SLC22A23: variants seen among roughly 807,000 people sequenced by gnomAD.
SLC22A23 encodes the protein solute carrier family 22 member 23.
A neutral mutation model predicts 61.0 loss-of-function variants in SLC22A23; 26 were observed. That is an observed-to-expected ratio of 0.43 (90% CI 0.31 to 0.59). The LOEUF is 0.59. SLC22A23 is among the 20% of genes least tolerant of loss of function. The pLI is 0.11. For synonymous variants in SLC22A23, 430 were observed against 413.9 expected (o/e 1.04, Z -0.47); for missense variants, 796 against 934.7 (o/e 0.85, Z 1.94).
At chr6:3,412,654 C>T (rs9502001) in intron 2 of SLC22A23, among the ~76,000 whole-genome samples, 1,769 of 152,232 alleles carry the variant, frequency 0.012, 44 homozygotes, top group African/African-American at 0.041. Context: ...TCCTCAGAAC[C>T]TGTGAGTATT....
intron 4 of SLC22A23, among the ~76,000 whole-genome samples, chr6:3,305,335 A>G (rs991804828): frequency 6.6e-6 from 1 of 152,142 alleles, no homozygotes; most frequent in Non-Finnish European, 1.5e-5. Context: ...GCAAACCCAT[A>G]TTGCCTGGAC....
In SLC22A23 at chr6:3,330,105, CAA is replaced by C. The variant is rs1176307825; in HGVS notation, c.914-6105_914-6104del. 4.6e-5 allele frequency among the ~76,000 whole-genome samples: 7 copies of C among 152,300 alleles called. No homozygotes were observed. The highest frequency in any genetic ancestry group is 1.4e-4 in the African/African-American group (6 of 41,552). On this transcript the variant is annotated intron_variant, in intron 3 of 9. Coordinates refer to ENST00000406686, the MANE Select transcript of SLC22A23 (RefSeq NM_015482.2). The surrounding 1 kb of genome is among the most constrained non-coding windows in gnomAD (Gnocchi z 4.7). Reference sequence around the variant, plus strand: ...GCCCAGCCCCAGAACACACAGGATTCAAAGAGGCCACTTCTCCAAACCCGCTG... The same window carrying C: ...GCCCAGCCCCAGAACACACAGGATTCAGAGGCCACTTCTCCAAACCCGCTG...
In SLC22A23 at chr6:3,324,430, C is replaced by G. The variant is rs989299752; in HGVS notation, c.914-428G>C. The stretch of plus-strand genomic sequence containing the variant: ...ATGCTGTATTAGGGGCCATCTCGAC[C>G]TCTAGACAGGACACCAGGCATGCCC... On this transcript the variant is annotated intron_variant, in intron 3 of 9. Transcript: ENST00000406686. This position sits in a 1 kb window ranked among gnomAD's most constrained non-coding sequence, Gnocchi z 4.3. 6.6e-6 allele frequency among the ~76,000 whole-genome samples: 1 copy of G among 152,088 alleles called. No individual in the cohort carries two copies. The highest frequency in any genetic ancestry group is 1.5e-5 in the Non-Finnish European group (1 of 68,024).
intron 3 of SLC22A23, among the ~76,000 whole-genome samples, chr6:3,356,404 G>A (rs1281623707): frequency 6.6e-6 from 1 of 151,844 alleles, no homozygotes; most frequent in Non-Finnish European, 1.5e-5. Context: ...TCTCAGAGAT[G>A]GCAGCGACCT....
chr6:3,347,787 A>G (rs1401122041), intron 3 of SLC22A23, among the ~76,000 whole-genome samples: 1 of 152,122 alleles, frequency 6.6e-6, no homozygotes, highest in Non-Finnish European at 1.5e-5. Context: ...CTGGAGACTC[A>G]CTTTATGCAC....
chr6:3,273,063 C>T lies in SLC22A23; in HGVS notation c.2053G>A (p.Ala685Thr), dbSNP rs1304895236. The T allele has an allele frequency of 6.4e-7, 1 of 1,561,662 alleles. No homozygotes were observed. Among genetic ancestry groups the T allele is most frequent in the Non-Finnish European group, 8.7e-7 (1 of 1,155,320 alleles). ...GGGTTCCGCAGGCCGGGCTACATGG[C>T]CTTCATGCCGTTGGCCGTGGCACCC... ...PEGATANGMK[A>T]M The change falls in exon 10 of 10, where the codon GCC becomes ACC. Residue 685 changes from alanine to threonine, a missense_variant. Physicochemically the swap from Ala to Thr is moderately conservative, Grantham distance 58 (BLOSUM62 0). Transcript: ENST00000406686.
chr6:3,440,852 C>T (rs959612715), intron 1 of SLC22A23, among the ~76,000 whole-genome samples: 4 of 152,188 alleles, frequency 2.6e-5, no homozygotes, highest in Non-Finnish European at 5.9e-5. Flanking sequence ...TCTTGGACTT[C>T]CAGCCTCCAG....
chr6:3,415,930 T>A, intron 1 of SLC22A23, 75 bp from the exon 2 acceptor site: 1 of 1,106,924 alleles, frequency 9.0e-7, no homozygotes, highest in Non-Finnish European at 1.3e-6. Context: ...ATAAGGGCAA[T>A]ACAATAACCC....
chr6:3,438,677 T>C, intron 1 of SLC22A23: 1 of 380,648 alleles, frequency 2.6e-6, no homozygotes, highest in Non-Finnish European at 5.2e-6. Context: ...TAACCGTTAT[T>C]CTAAGTAGAG....
Position 3,410,551 on chromosome 6 carries a change from G to A in SLC22A23, c.759-209C>T, listed in dbSNP as rs1272282561. Among the ~76,000 whole-genome samples the A allele has an allele frequency of 2.0e-5, 3 of 152,058 alleles. No individual in the cohort carries two copies. The highest frequency in any genetic ancestry group is 4.4e-5 in the Non-Finnish European group (3 of 68,004). ...CCAACCCCCTAATTCTCGAGATAAG[G>A]GAGCAGAGATCAACCAATTACAGAG... On this transcript the variant is annotated intron_variant, in intron 2 of 9. Transcript: ENST00000406686. The surrounding 1 kb of genome is among the most constrained non-coding windows in gnomAD (Gnocchi z 5.0).
chr6:3,279,772 G>A lies in SLC22A23; in HGVS notation c.1703+4080C>T, dbSNP rs567995324. On this transcript the variant is annotated intron_variant, in intron 9 of 9. Transcript: ENST00000406686. Reference sequence around the variant, plus strand: ...ACGCCCGTGTTTAGAAGTCAGAGCTGCTTGATTTACGGACAGAGAACCGAG... The same window carrying A: ...ACGCCCGTGTTTAGAAGTCAGAGCTACTTGATTTACGGACAGAGAACCGAG... Among the ~76,000 whole-genome samples, 35 of 152,212 alleles carry A rather than the reference G, an allele frequency of 2.3e-4. 1 individual carries two copies. Among genetic ancestry groups the A allele is most frequent in the Middle Eastern group, 3.4e-3 (1 of 294 alleles).
At chr6:3,293,976 C>G (rs187957386) in intron 5 of SLC22A23, among the ~76,000 whole-genome samples, 1 of 152,094 alleles carries the variant, frequency 6.6e-6, no homozygotes, top group Admixed American at 6.5e-5. Flanking sequence ...TGGGGCTGCC[C>G]GGAGAGGACT....
intron 9 of SLC22A23, chr6:3,276,671 C>A: frequency 6.6e-6 from 1 of 152,458 alleles, no homozygotes; most frequent in Non-Finnish European, 1.5e-5. Flanking sequence ...GCCGAGCTCC[C>A]ACAGGCTACC....
chr6:3,408,895 C>T (rs189659099), intron 3 of SLC22A23, among the ~76,000 whole-genome samples: 1 of 152,234 alleles, frequency 6.6e-6, no homozygotes, highest in African/African-American at 2.4e-5. Context: ...TCCCGGCGCA[C>T]TTGCACACAT....
At chr6:3,444,248 T>A (rs1223304414) in intron 1 of SLC22A23, among the ~76,000 whole-genome samples, 1 of 152,104 alleles carries the variant, frequency 6.6e-6, no homozygotes, top group Non-Finnish European at 1.5e-5. Context: ...TGGAGGGAGA[T>A]CTGCTCATCA....
intron 3 of SLC22A23, among the ~76,000 whole-genome samples, chr6:3,347,705 T>C (rs911571274): frequency 6.6e-6 from 1 of 152,174 alleles, no homozygotes; most frequent in Non-Finnish European, 1.5e-5. Flanking sequence ...AGCATAAAAA[T>C]CTGATTTTTT....
At chr6:3,451,412 G>A (rs930612017) in intron 1 of SLC22A23, among the ~76,000 whole-genome samples, 1 of 152,148 alleles carries the variant, frequency 6.6e-6, no homozygotes, top group Non-Finnish European at 1.5e-5. Flanking sequence ...GGCCAGGCTG[G>A]TCTCAAACTC....
Position 3,304,765 on chromosome 6 carries a change from T to C in SLC22A23, c.1083-6547A>G, listed in dbSNP as rs58539854. Among the ~76,000 whole-genome samples the C allele has an allele frequency of 0.015, 2,231 of 152,112 alleles. 50 individuals are homozygous for C. Among genetic ancestry groups the C allele is most frequent in the African/African-American group, 0.051 (2,118 of 41,514 alleles). On this transcript the variant is annotated intron_variant, in intron 4 of 9. Transcript: ENST00000406686. This position sits in a 1 kb window ranked among gnomAD's most constrained non-coding sequence, Gnocchi z 4.3. Reference sequence around the variant, plus strand: ...CAGGCCCTGTATCCCCTCGTACTGCTGGAGGTGTGTGGGGCAGGACCCAGA... The same window carrying C: ...CAGGCCCTGTATCCCCTCGTACTGCCGGAGGTGTGTGGGGCAGGACCCAGA...
At chr6:3,384,239 A>G (rs1767139402) in intron 3 of SLC22A23, among the ~76,000 whole-genome samples, 1 of 152,234 alleles carries the variant, frequency 6.6e-6, no homozygotes, top group East Asian at 1.9e-4. Context: ...GAATCTTTGC[A>G]AAGTGGTTGC....
Sources: gnomAD v4.1 joint callset for allele counts (sites outside exome capture counted in the v4.1 genomes callset) on GRCh38, gnomAD v4.1.1 for gene constraint, Gnocchi (gnomAD v3.1) non-coding constraint, MANE v1.5 for transcripts, NCBI Gene and HGNC (gene_info 2026-07-23, HGNC 2026-07-21) for gene names.